Variants in XKR9 observed in about 807,000 individuals in gnomAD.
The protein encoded by XKR9 is XK-related protein 9.
A neutral mutation model predicts 32.0 loss-of-function variants in XKR9; 32 were observed. The ratio of observed to expected loss-of-function variants is 1.00; its 90% CI spans 0.76 to 1.34. The LOEUF is 1.34. Ranked by LOEUF, XKR9 falls within the 40% of genes most tolerant of loss-of-function variation. The pLI is 0.00. For synonymous variants in XKR9, 168 were observed against 143.4 expected (o/e 1.17, Z -1.22); for missense variants, 546 against 429.7 (o/e 1.27, Z -2.39).
chr8:71,040,687 A>G, the XKR9 span, among the ~76,000 whole-genome samples: 6 of 152,192 alleles, frequency 3.9e-5, no homozygotes, highest in Admixed American at 3.9e-4. Context: ...CCTGATTTTT[A>G]CATAAGTGTG....
At chr8:70,731,656 TCTC>T (rs546215926) in intron 4 of XKR9, among the ~76,000 whole-genome samples, 74 of 152,288 alleles carry the variant, frequency 4.9e-4, no homozygotes, top group Non-Finnish European at 9.4e-4. Context: ...TTGTCTTTGA[TCTC>T]CTCCAGGTGG....
At position 70,678,566 on chromosome 8, in the gene XKR9, G is replaced by GAA. The variant is rs1356277932; in HGVS notation, c.-278-2214_-278-2213insAA. Among the ~76,000 whole-genome samples, 175 of 152,196 alleles carry GAA rather than the reference G, an allele frequency of 1.1e-3. 1 individual carries two copies. Among genetic ancestry groups the GAA allele is most frequent in the Non-Finnish European group, 2.1e-3 (145 of 68,006 alleles). ...TTAGTTCAATTGAGCAGAACCTCCCGATTAATCTCATCCTCCTAAACCCCA... is the reference window on the plus strand; with the variant it reads ...TTAGTTCAATTGAGCAGAACCTCCCGAAATTAATCTCATCCTCCTAAACCCCA... On this transcript the variant is annotated intron_variant, in intron 2 of 4. Transcript: ENST00000408926.
At chr8:70,943,654 G>A in the XKR9 span, among the ~76,000 whole-genome samples, 1 of 151,916 alleles carries the variant, frequency 6.6e-6, no homozygotes, top group Non-Finnish European at 1.5e-5. Flanking sequence ...TTTCCCATAT[G>A]ATTAAAAGAT....
chr8:70,806,349 G>C, the XKR9 span, among the ~76,000 whole-genome samples: 14 of 152,284 alleles, frequency 9.2e-5, no homozygotes, highest in South Asian at 2.9e-3. Flanking sequence ...AAAGGCCAGA[G>C]TGTCTCTTCT....
intron 2 of XKR9, among the ~76,000 whole-genome samples, chr8:70,764,080 G>T (rs925235016): frequency 6.6e-6 from 1 of 152,152 alleles, no homozygotes; most frequent in Non-Finnish European, 1.5e-5. Flanking sequence ...AGCTCTCCTT[G>T]CTTCCCATTA....
chr8:70,743,077 C>T (rs890203055), intron 2 of XKR9, among the ~76,000 whole-genome samples: 2 of 151,962 alleles, frequency 1.3e-5, no homozygotes, highest in Non-Finnish European at 2.9e-5. Context: ...CCCACCTATT[C>T]CTGAGGCTCT....
the XKR9 span, among the ~76,000 whole-genome samples, chr8:70,970,402 G>A: frequency 2.6e-5 from 4 of 151,912 alleles, no homozygotes; most frequent in Admixed American, 6.6e-5. Context: ...ACATGTCATG[G>A]TGGTTTGCTG....
the XKR9 span, among the ~76,000 whole-genome samples, chr8:70,969,504 C>A: frequency 6.6e-6 from 1 of 152,100 alleles, no homozygotes; most frequent in African/African-American, 2.4e-5. Context: ...CTTTGGGTAT[C>A]CTGAATGTAA....
At chr8:70,773,276 T>C (rs1331294310) in intron 2 of XKR9, among the ~76,000 whole-genome samples, 1 of 152,206 alleles carries the variant, frequency 6.6e-6, no homozygotes, top group African/African-American at 2.4e-5. Flanking sequence ...CAGATATGGA[T>C]ATGCAGGGAA....
At chr8:70,940,677 A>G in the XKR9 span, among the ~76,000 whole-genome samples, 1 of 152,120 alleles carries the variant, frequency 6.6e-6, no homozygotes, top group Non-Finnish European at 1.5e-5. Context: ...TGACTAAAAT[A>G]TGATTGTTGA....
the XKR9 span, among the ~76,000 whole-genome samples, chr8:70,859,322 G>T: frequency 6.6e-6 from 1 of 151,954 alleles, no homozygotes. Context: ...CCAGTTAAAT[G>T]TCTTTTATCA....
the XKR9 span, among the ~76,000 whole-genome samples, chr8:71,008,857 C>CTGGG: frequency 0.032 from 4,829 of 152,172 alleles, 248 homozygotes; most frequent in African/African-American, 0.11. Context: ...TTTGTAGTGA[C>CTGGG]TGGGTTTTGC....
the XKR9 span, among the ~76,000 whole-genome samples, chr8:70,951,187 T>C: frequency 1.3e-5 from 2 of 152,254 alleles, no homozygotes; most frequent in African/African-American, 4.8e-5. Flanking sequence ...GGACAGCTTC[T>C]AGAAGAGGTC....
the XKR9 span, among the ~76,000 whole-genome samples, chr8:70,981,639 G>A: frequency 6.6e-6 from 1 of 151,952 alleles, no homozygotes; most frequent in African/African-American, 2.4e-5. Context: ...TTCTTTTTCT[G>A]GTAATTCAGA....
At chr8:71,045,250 A>G in the XKR9 span, among the ~76,000 whole-genome samples, 1 of 152,206 alleles carries the variant, frequency 6.6e-6, no homozygotes, top group African/African-American at 2.4e-5. Flanking sequence ...TGAGATTCCA[A>G]CATATCCGCA....
chr8:70,933,524 G>T, the XKR9 span, among the ~76,000 whole-genome samples: 6 of 152,002 alleles, frequency 3.9e-5, no homozygotes, highest in East Asian at 1.9e-4. Flanking sequence ...GGAGAAAGTA[G>T]TTAATGGTAG....
chr8:70,957,912 T>G, the XKR9 span, among the ~76,000 whole-genome samples: 1 of 150,132 alleles, frequency 6.7e-6, no homozygotes, highest in Non-Finnish European at 1.5e-5. Flanking sequence ...CTCAGCTTAC[T>G]GAGTGGCTGG....
chr8:70,995,984 A>G, the XKR9 span, among the ~76,000 whole-genome samples: 3 of 147,276 alleles, frequency 2.0e-5, no homozygotes, highest in African/African-American at 7.3e-5. Context: ...TGCATTCTTA[A>G]CTGAGAACCC....
chr8:71,012,709 A>T, the XKR9 span, among the ~76,000 whole-genome samples: 1 of 152,124 alleles, frequency 6.6e-6, no homozygotes, highest in Non-Finnish European at 1.5e-5. Context: ...CTCCCCTTTG[A>T]TGTAAGTACC....
Sources: gnomAD v4.1 joint callset for allele counts (sites outside exome capture counted in the v4.1 genomes callset) on GRCh38, gnomAD v4.1.1 for gene constraint, MANE v1.5 for transcripts, NCBI Gene and HGNC (gene_info 2026-07-23, HGNC 2026-07-21) for gene names.